FHIT: variants seen among roughly 807,000 people sequenced by gnomAD.
The protein encoded by FHIT is bis(5'-adenosyl)-triphosphatase.
In FHIT, 19 loss-of-function variants were observed where a neutral mutation model predicts 17.9. The ratio of observed to expected loss-of-function variants is 1.06; its 90% CI spans 0.74 to 1.56. The LOEUF (loss-of-function observed/expected upper bound fraction) is 1.56. FHIT is among the 40% of genes most tolerant of loss of function. FHIT has a pLI of 0.00. For synonymous variants in FHIT, 81 were observed against 69.7 expected (o/e 1.16, Z -0.81); for missense variants, 248 against 189.2 (o/e 1.31, Z -1.82).
chr3:60,396,331 C>A (rs369902573), intron 5 of FHIT, among the ~76,000 whole-genome samples: 1 of 152,102 alleles, frequency 6.6e-6, no homozygotes, highest in Non-Finnish European at 1.5e-5. Flanking sequence ...AGCTATATAA[C>A]GTTAGGGGAA....
intron 5 of FHIT, among the ~76,000 whole-genome samples, chr3:60,387,611 C>A (rs1701063408): frequency 6.6e-6 from 1 of 152,114 alleles, no homozygotes; most frequent in East Asian, 1.9e-4. Flanking sequence ...CTCTGCTCTA[C>A]CCCTTCTTCT....
chr3:59,813,115 T>G (rs1283982050), intron 8 of FHIT, among the ~76,000 whole-genome samples: 1 of 152,208 alleles, frequency 6.6e-6, no homozygotes. Context: ...AACAGCATAA[T>G]CCTGAATTTT....
chr3:61,196,792 A>T (rs982628510), intron 2 of FHIT, among the ~76,000 whole-genome samples: 2 of 152,188 alleles, frequency 1.3e-5, no homozygotes, highest in East Asian at 3.8e-4. Flanking sequence ...GAGGCCCCCA[A>T]CCGGAACTGT....
chr3:60,547,533 A>T (rs1334960829), intron 4 of FHIT, among the ~76,000 whole-genome samples: 2 of 152,156 alleles, frequency 1.3e-5, no homozygotes, highest in Non-Finnish European at 2.9e-5. Context: ...TTGGGACTAA[A>T]AATATATGAT....
At chr3:60,296,137 A>G (rs1708197506) in intron 5 of FHIT, among the ~76,000 whole-genome samples, 8 of 152,106 alleles carry the variant, frequency 5.3e-5, no homozygotes, top group Admixed American at 4.6e-4. Context: ...CTGTGAGTCC[A>G]TTAAACCTCT....
At chr3:60,054,091 T>G (rs1400257380) in intron 5 of FHIT, among the ~76,000 whole-genome samples, 1 of 152,222 alleles carries the variant, frequency 6.6e-6, no homozygotes, top group Non-Finnish European at 1.5e-5. Flanking sequence ...TTTCTAAATA[T>G]GAGCTATGAT....
intron 5 of FHIT, among the ~76,000 whole-genome samples, chr3:60,050,938 C>A (rs1701848453): frequency 6.6e-6 from 1 of 152,176 alleles, no homozygotes; most frequent in Non-Finnish European, 1.5e-5. Flanking sequence ...AATCAACAGT[C>A]ATTGAGCTTG....
intron 5 of FHIT, among the ~76,000 whole-genome samples, chr3:60,291,059 G>A (rs561521270): frequency 5.3e-5 from 8 of 152,282 alleles, no homozygotes; most frequent in Non-Finnish European, 1.0e-4. Context: ...CATTGTCTGG[G>A]ATGATAATCA....
At chr3:60,143,637 A>G (rs2107307990) in intron 5 of FHIT, among the ~76,000 whole-genome samples, 1 of 152,296 alleles carries the variant, frequency 6.6e-6, no homozygotes, top group South Asian at 2.1e-4. Flanking sequence ...CAAATTCAGT[A>G]ACAAAATGAT....
chr3:60,062,926 G>C (rs572026808), intron 5 of FHIT, among the ~76,000 whole-genome samples: 2 of 152,246 alleles, frequency 1.3e-5, no homozygotes, highest in South Asian at 4.1e-4. Context: ...TTTTCCAGTA[G>C]GAGAGAAGAA....
At chr3:60,718,353 G>T (rs2041734250) in intron 4 of FHIT, among the ~76,000 whole-genome samples, 1 of 152,086 alleles carries the variant, frequency 6.6e-6, no homozygotes, top group South Asian at 2.1e-4. Flanking sequence ...AAACAGAGTG[G>T]GCAGGAACAT....
chr3:60,331,413 C>A (rs571385841), intron 5 of FHIT, among the ~76,000 whole-genome samples: 1 of 152,136 alleles, frequency 6.6e-6, no homozygotes, highest in Non-Finnish European at 1.5e-5. Flanking sequence ...ACCTTAGTCA[C>A]CTTGGGGTCA....
chr3:59,792,881 G>GA (rs1397748484), intron 8 of FHIT, among the ~76,000 whole-genome samples: 1 of 145,746 alleles, frequency 6.9e-6, no homozygotes, highest in Non-Finnish European at 1.5e-5. Flanking sequence ...TTGGGGGGGG[G>GA]GGTCATGAAC....
chr3:60,794,426 C>T (rs769838803), intron 4 of FHIT, among the ~76,000 whole-genome samples: 135 of 97,766 alleles, frequency 1.4e-3, no homozygotes, highest in Non-Finnish European at 2.2e-3. Context: ...GGATACTACA[C>T]TTCATTGATT....
chr3:60,711,187 A>G (rs1050297500), intron 4 of FHIT, among the ~76,000 whole-genome samples: 1 of 152,140 alleles, frequency 6.6e-6, no homozygotes, highest in Non-Finnish European at 1.5e-5. Flanking sequence ...ACCTCTAGCA[A>G]CTCCAACAGA....
chr3:60,022,447 C>G lies in FHIT; in HGVS notation c.104-8295G>C, dbSNP rs114933556. ...TGAGCGAAAATGATATACGTCACTT[C>G]TGGGCTAAAGCCCTTAACTTCTAGT... On this transcript the variant is annotated intron_variant, in intron 5 of 9. Coordinates refer to ENST00000492590, the MANE Select transcript of FHIT (RefSeq NM_002012.4). Among the ~76,000 whole-genome samples, 180 of 152,336 alleles carry G rather than the reference C, an allele frequency of 1.2e-3. 1 individual carries two copies. The highest frequency in any genetic ancestry group is 4.2e-3 in the African/African-American group (173 of 41,584).
At chr3:59,974,188 G>A (rs1259732632) in intron 7 of FHIT, among the ~76,000 whole-genome samples, 2 of 152,098 alleles carry the variant, frequency 1.3e-5, no homozygotes, top group Non-Finnish European at 2.9e-5. Flanking sequence ...ATTAGGCCAA[G>A]TTGTACCCCA....
intron 5 of FHIT, among the ~76,000 whole-genome samples, chr3:60,420,763 G>A (rs1264556293): frequency 1.3e-5 from 2 of 152,138 alleles, no homozygotes; most frequent in African/African-American, 4.8e-5. Context: ...GTATTGGTTT[G>A]TCATGTGTGT....
chr3:61,212,471 A>C (rs1439965222), intron 1 of FHIT, among the ~76,000 whole-genome samples: 1 of 152,218 alleles, frequency 6.6e-6, no homozygotes, highest in South Asian at 2.1e-4. Context: ...AAAAAGAAAC[A>C]AACAAAGCCT....
Sources: gnomAD v4.1 joint callset for allele counts (sites outside exome capture counted in the v4.1 genomes callset) on GRCh38, gnomAD v4.1.1 for gene constraint, MANE v1.5 for transcripts, NCBI Gene and HGNC (gene_info 2026-07-23, HGNC 2026-07-21) for gene names.